The following RBFOX1 variants were observed in gnomAD, a reference collection of about 807,000 sequenced individuals.
RBFOX1 encodes the protein RNA binding protein fox-1 homolog 1.
RBFOX1 carries 8 observed loss-of-function variants against 57.7 expected under a neutral mutation model. The ratio of observed to expected loss-of-function variants is 0.14; its 90% CI spans 0.08 to 0.25. RBFOX1 has a LOEUF of 0.25. RBFOX1 is among the 10% of genes least tolerant of loss of function. The probability of loss-of-function intolerance (pLI) is 1.00; values close to 1 mark genes in which losing one functional copy is unlikely to be tolerated. For synonymous variants in RBFOX1, 326 were observed against 222.4 expected, an observed-to-expected ratio of 1.47 and a Z score of -4.15; for missense variants, 611 against 548.5, an observed-to-expected ratio of 1.11 and a Z score of -1.14.
chr16:6,291,050 AC>A (rs2077417012), intron 1 of RBFOX1, among the ~76,000 whole-genome samples: 1 of 152,148 alleles, frequency 6.6e-6, no homozygotes, highest in Admixed American at 6.5e-5. Flanking sequence ...ATATAGGGTA[AC>A]TTGCTGATGT....
chr16:6,716,173 AG>A (rs1318619787), intron 3 of RBFOX1, among the ~76,000 whole-genome samples: 1 of 152,222 alleles, frequency 6.6e-6, no homozygotes, highest in Non-Finnish European at 1.5e-5. Flanking sequence ...TGTAAAATAG[AG>A]GGTTATAATA....
intron 3 of RBFOX1, among the ~76,000 whole-genome samples, chr16:6,894,053 A>G (rs11646206): frequency 6.6e-6 from 1 of 152,052 alleles, no homozygotes; most frequent in Non-Finnish European, 1.5e-5. Flanking sequence ...CTTCCTTTGC[A>G]TAATACTGGA....
At chr16:7,337,697 T>G (rs2096818642) in intron 4 of RBFOX1, among the ~76,000 whole-genome samples, 1 of 152,194 alleles carries the variant, frequency 6.6e-6, no homozygotes, top group Non-Finnish European at 1.5e-5. Context: ...TTTGTTTGCT[T>G]GTTTTGAGAT....
At chr16:7,120,830 T>TACACACACACACACACAC (rs397836603) in intron 4 of RBFOX1, among the ~76,000 whole-genome samples, 1 of 86,542 alleles carries the variant, frequency 1.2e-5, no homozygotes. Flanking sequence ...TATGTATATA[T>TACACACACACACACACAC]ACACACACAC....
chr16:5,863,885 C>T (rs1318845098), intron 3 of RBFOX1, among the ~76,000 whole-genome samples: 1 of 152,126 alleles, frequency 6.6e-6, no homozygotes, highest in East Asian at 1.9e-4. Context: ...TCCACAAGGT[C>T]TCTTTCTTTC....
At chr16:7,153,017 C>T (rs567026726) in intron 4 of RBFOX1, among the ~76,000 whole-genome samples, 1 of 152,224 alleles carries the variant, frequency 6.6e-6, no homozygotes, top group Admixed American at 6.5e-5. Flanking sequence ...ATTTGTGATT[C>T]TAATATATTT....
chr16:6,426,753 C>G (rs1402849604), intron 2 of RBFOX1, among the ~76,000 whole-genome samples: 1 of 152,186 alleles, frequency 6.6e-6, no homozygotes, highest in Non-Finnish European at 1.5e-5. Flanking sequence ...TCAAAAGTGT[C>G]TCATCATCCA....
intron 3 of RBFOX1, among the ~76,000 whole-genome samples, chr16:6,688,367 GC>G (rs1471786345): frequency 6.6e-6 from 1 of 152,096 alleles, no homozygotes; most frequent in Non-Finnish European, 1.5e-5. Context: ...CTCTCATCAG[GC>G]CCCACCTTCA....
intron 2 of RBFOX1, among the ~76,000 whole-genome samples, chr16:6,515,728 A>T (rs191077936): frequency 6.6e-5 from 10 of 151,852 alleles, no homozygotes; most frequent in Non-Finnish European, 1.5e-4. Context: ...GCTACCCCAT[A>T]CCTCCACTGT....
chr16:6,941,479 A>C (rs1047673094), intron 3 of RBFOX1, among the ~76,000 whole-genome samples: 5 of 151,972 alleles, frequency 3.3e-5, no homozygotes, highest in African/African-American at 1.2e-4. Flanking sequence ...AAAGTGCCGT[A>C]AACTTTTGAT....
chr16:7,147,895 C>T (rs2075341543), intron 4 of RBFOX1, among the ~76,000 whole-genome samples: 1 of 152,204 alleles, frequency 6.6e-6, no homozygotes, highest in Non-Finnish European at 1.5e-5. Context: ...AACCTCCAGG[C>T]TGCTTTCGCC....
intron 1 of RBFOX1, among the ~76,000 whole-genome samples, chr16:5,424,982 TC>T (rs1301666169): frequency 1.1e-4 from 2 of 18,880 alleles, no homozygotes; most frequent in African/African-American, 1.6e-4. Flanking sequence ...TTCTTTCTTT[TC>T]TTTTCTTTTC....
intron 3 of RBFOX1, among the ~76,000 whole-genome samples, chr16:5,760,019 A>AC (rs1285034326): frequency 6.6e-6 from 1 of 151,986 alleles, no homozygotes; most frequent in Admixed American, 6.6e-5. Flanking sequence ...AAAAAAAAAA[A>AC]AAACCTTGTA....
intron 3 of RBFOX1, among the ~76,000 whole-genome samples, chr16:6,961,956 T>C (rs1158467624): frequency 9.4e-6 from 1 of 106,814 alleles, no homozygotes; most frequent in African/African-American, 3.3e-5. Flanking sequence ...TTCTGTCTCA[T>C]CCTGTGACTA....
chr16:6,649,498 C>A (rs533916576), intron 2 of RBFOX1, among the ~76,000 whole-genome samples: 1 of 152,178 alleles, frequency 6.6e-6, no homozygotes, highest in African/African-American at 2.4e-5. Flanking sequence ...AACGTGTAAT[C>A]TTTTATCCCT....
At chr16:6,482,024 C>T (rs1192215937) in intron 2 of RBFOX1, among the ~76,000 whole-genome samples, 1 of 152,084 alleles carries the variant, frequency 6.6e-6, no homozygotes, top group African/African-American at 2.4e-5. Context: ...AATATTGCCT[C>T]TAGATATGAA....
intron 4 of RBFOX1, among the ~76,000 whole-genome samples, chr16:7,054,233 C>A (rs886107117): frequency 2.0e-4 from 1 of 5,126 alleles, no homozygotes; most frequent in African/African-American, 1.1e-3. Flanking sequence ...GGGCGGGGAG[C>A]TTTTTTTTTT....
intron 7 of RBFOX1, among the ~76,000 whole-genome samples, chr16:7,590,865 A>G (rs1406110786): frequency 0.011 from 51 of 4,580 alleles, no homozygotes; most frequent in African/African-American, 0.086. Flanking sequence ...GTCTCTAAGA[A>G]AAAAAAAAAA....
intron 3 of RBFOX1, among the ~76,000 whole-genome samples, chr16:6,673,159 T>C (rs565967900): frequency 2.0e-5 from 3 of 152,320 alleles, no homozygotes; most frequent in Admixed American, 1.3e-4. Flanking sequence ...ATGTCTACAC[T>C]TCCCAGGCTC....
Sources: gnomAD v4.1 joint callset for allele counts (sites outside exome capture counted in the v4.1 genomes callset) on GRCh38, gnomAD v4.1.1 for gene constraint, MANE v1.5 for transcripts, NCBI Gene and HGNC (gene_info 2026-07-23, HGNC 2026-07-21) for gene names.